BICD1: variants seen among roughly 807,000 people sequenced by gnomAD.
BICD1 encodes protein bicaudal D homolog 1.
In BICD1, 35 loss-of-function variants were observed where a neutral mutation model predicts 92.5. That is an observed-to-expected ratio of 0.38 (90% confidence interval 0.29 to 0.50). The LOEUF (loss-of-function observed/expected upper bound fraction) is 0.50, where lower values mean the gene tolerates loss of function less well. Ranked by LOEUF, BICD1 falls within the 20% of genes least tolerant of loss-of-function variation. The pLI, the probability that BICD1 is intolerant of heterozygous loss-of-function variation, is 0.93. For synonymous variants in BICD1, 429 were observed against 465.1 expected (o/e 0.92, Z 1.00); for missense variants, 950 against 1,189.8 (o/e 0.80, Z 2.97).
At chr12:32,172,984 C>A (rs948078394) in intron 1 of BICD1, among the ~76,000 whole-genome samples, 1 of 152,202 alleles carries the variant, frequency 6.6e-6, no homozygotes, top group Non-Finnish European at 1.5e-5. Flanking sequence ...CCTGAGTTCA[C>A]CAGCCCGCTC....
At position 32,326,204 on chromosome 12, in the gene BICD1, GAAAGA is replaced by G. The variant is rs149303098; in HGVS notation, c.1006-1248_1006-1244del. The stretch of plus-strand genomic sequence containing the variant: ...ATGGTTTATTTTTTAAAAAGAAGAA[GAAAGA>G]AAAGAAAACACAAGTGCAGAAGGAT... On this transcript the variant is annotated intron_variant, in intron 4 of 9. Coordinates refer to ENST00000652176, the MANE Select transcript of BICD1 (RefSeq NM_001714.4). Among the ~76,000 whole-genome samples, 337 of 150,894 alleles carry G rather than the reference GAAAGA, an allele frequency of 2.2e-3. 1 individual carries two copies. Among genetic ancestry groups the G allele is most frequent in the African/African-American group, 7.7e-3 (317 of 41,070 alleles).
At chr12:32,249,599 G>A (rs903700033) in intron 2 of BICD1, among the ~76,000 whole-genome samples, 1 of 151,950 alleles carries the variant, frequency 6.6e-6, no homozygotes, top group Non-Finnish European at 1.5e-5. Flanking sequence ...TGGAGCCTAA[G>A]TTAAAATGCT....
At chr12:32,192,685 C>A (rs1353721111) in intron 1 of BICD1, among the ~76,000 whole-genome samples, 1 of 152,112 alleles carries the variant, frequency 6.6e-6, no homozygotes, top group African/African-American at 2.4e-5. Context: ...AGGAAAGAAG[C>A]CATTTCCATT....
intron 1 of BICD1, among the ~76,000 whole-genome samples, chr12:32,124,491 AT>A (rs1158484811): frequency 1.1e-4 from 17 of 152,184 alleles, no homozygotes; most frequent in Admixed American, 1.1e-3. Context: ...GGAAAAATGC[AT>A]GTGAAGGATT....
At chr12:32,351,676 A>G (rs1405168084) in intron 8 of BICD1, among the ~76,000 whole-genome samples, 91 of 142,378 alleles carry the variant, frequency 6.4e-4, no homozygotes, top group Middle Eastern at 8.5e-3. Context: ...AGGCCGAGGC[A>G]GGTGGATCAC....
chr12:32,288,863 C>CAA (rs1049465829), intron 2 of BICD1, among the ~76,000 whole-genome samples: 165 of 132,884 alleles, frequency 1.2e-3, no homozygotes, highest in African/African-American at 4.3e-3. Context: ...AAGACTCTTT[C>CAA]AAAAAAAAAA....
rs974488966 is a variant in BICD1, at chr12:32,242,506, G to A, written c.426+26047G>A. Among the ~76,000 whole-genome samples, 9 of 151,468 alleles carry A rather than the reference G, an allele frequency of 5.9e-5. 1 individual carries two copies. The highest frequency in any genetic ancestry group is 4.2e-4 in the South Asian group (2 of 4,814). ...CGTGCCACTGCACTTTAGCCTGGCC[G>A]ACAGAGCGAGACTCTGTCTTAAAAG... On this transcript the variant is annotated intron_variant, in intron 2 of 9. Coordinates refer to ENST00000652176, the MANE Select transcript of BICD1 (RefSeq NM_001714.4).
intron 1 of BICD1, among the ~76,000 whole-genome samples, chr12:32,212,727 G>A (rs1592486326): frequency 3.3e-5 from 5 of 152,236 alleles, no homozygotes; most frequent in African/African-American, 4.8e-5. Flanking sequence ...CCAGCCTACC[G>A]TGACATTTTA....
chr12:32,300,129 G>A (rs531871114), intron 3 of BICD1, among the ~76,000 whole-genome samples: 38 of 151,744 alleles, frequency 2.5e-4, no homozygotes, highest in Admixed American at 1.6e-3. Flanking sequence ...TGAGACAGAG[G>A]CTCGCTCTGT....
chr12:32,206,236 G>GTATCCTAGGGATACCTAGGGATACC (rs1945052647), intron 1 of BICD1, among the ~76,000 whole-genome samples: 1 of 152,216 alleles, frequency 6.6e-6, no homozygotes, highest in Non-Finnish European at 1.5e-5. Context: ...GGATTGCATG[G>GTATCCTAGGGATACCTAGGGATACC]TAGGAATATG....
intron 1 of BICD1, among the ~76,000 whole-genome samples, chr12:32,211,805 G>A (rs1945224005): frequency 6.6e-6 from 1 of 152,166 alleles, no homozygotes; most frequent in African/African-American, 2.4e-5. Flanking sequence ...TTTGCAGGAT[G>A]ATGATCTGTT....
intron 9 of BICD1, 149 bp from the exon 10 acceptor site, chr12:32,377,391 C>A: frequency 1.6e-6 from 1 of 638,226 alleles, no homozygotes; most frequent in Non-Finnish European, 2.8e-6. Flanking sequence ...CTACCATTAT[C>A]TTGGCATGCT....
Position 32,232,463 on chromosome 12 carries a change from A to G in BICD1, c.426+16004A>G, listed in dbSNP as rs1056662691. ...TGTTTTTTTCTTGTAAATTTGTTTG[A>G]GTTCATTGCAGATTCTGGATATCAG... On this transcript the variant is annotated intron_variant, in intron 2 of 9. Transcript: ENST00000652176. 4.8e-4 allele frequency among the ~76,000 whole-genome samples: 73 copies of G among 150,778 alleles called. 1 individual carries two copies. Among genetic ancestry groups the G allele is most frequent in the Admixed American group, 3.3e-4 (5 of 15,142 alleles).
intron 1 of BICD1, among the ~76,000 whole-genome samples, chr12:32,195,002 G>A (rs550163595): frequency 6.6e-6 from 1 of 151,054 alleles, no homozygotes; most frequent in South Asian, 2.1e-4. Flanking sequence ...GAAGGCTGGG[G>A]CAGAAGGATT....
intron 1 of BICD1, among the ~76,000 whole-genome samples, chr12:32,129,657 A>G (rs1942468215): frequency 6.6e-6 from 1 of 151,868 alleles, no homozygotes; most frequent in Admixed American, 6.6e-5. Context: ...GACATGAGCC[A>G]CCGCACCTGG....
At position 32,337,349 on chromosome 12, in the gene BICD1, C is replaced by A; in HGVS notation, c.2253-150C>A. ...GATGAACATATATTCCAGTTTTCTG[C>A]TATTGTGGGTTATCTACATTCTATT... On this transcript the variant is annotated intron_variant, in intron 6 of 9. Transcript: ENST00000652176. The surrounding 1 kb of genome is among the most constrained non-coding windows in gnomAD (Gnocchi z 4.7). 1.6e-6 allele frequency: 1 copy of A among 634,580 alleles called. No individual in the cohort carries two copies. The allele number at this position is 634,580 out of a possible 1,614,324, so 39.3% of individuals were successfully genotyped here. A position where few individuals can be genotyped will look rare whatever the true frequency, so the allele number is the denominator to read the frequency against.
At chr12:32,203,096 G>T (rs1393564961) in intron 1 of BICD1, among the ~76,000 whole-genome samples, 1 of 152,202 alleles carries the variant, frequency 6.6e-6, no homozygotes, top group African/African-American at 2.4e-5. Flanking sequence ...AGTGGGATAG[G>T]AGGGGGTAAT....
intron 8 of BICD1, chr12:32,339,566 T>A (rs1044569754): frequency 1.0e-6 from 1 of 985,486 alleles, no homozygotes; most frequent in Non-Finnish European, 1.2e-6. Flanking sequence ...TTAGCTTCAC[T>A]ATTTTGCATT....
At chr12:32,367,825 C>A in intron 9 of BICD1, 80 bp downstream of exon 9, 1 of 1,247,816 alleles carries the variant, frequency 8.0e-7, no homozygotes, top group Non-Finnish European at 1.2e-6. Context: ...GACACCTGAA[C>A]TGCCTACGCA....
Sources: gnomAD v4.1 joint callset for allele counts (sites outside exome capture counted in the v4.1 genomes callset) on GRCh38, gnomAD v4.1.1 for gene constraint, Gnocchi (gnomAD v3.1) non-coding constraint, MANE v1.5 for transcripts, NCBI Gene and HGNC (gene_info 2026-07-23, HGNC 2026-07-21) for gene names.